The following CEP290 variants were observed in gnomAD, a reference collection of about 807,000 sequenced individuals.
The protein encoded by CEP290 is centrosomal protein of 290 kDa.
CEP290 carries 317 observed loss-of-function variants against 344.9 expected under a neutral mutation model. That is an observed-to-expected ratio of 0.92 (90% CI 0.84 to 1.01). CEP290 has a LOEUF of 1.01. Among genes scored for constraint, CEP290 ranks in the 50% least tolerant of loss-of-function variants. CEP290 has a pLI of 0.00. For missense variants in CEP290, 2,754 were observed against 2,761.4 expected (o/e 1.00, Z 0.06); for synonymous variants, 932 against 895.8 (o/e 1.04, Z -0.72).
chr12:88,091,775 G>A (rs1261436098), intron 29 of CEP290, among the ~76,000 whole-genome samples: 1 of 152,022 alleles, frequency 6.6e-6, no homozygotes, highest in African/African-American at 2.4e-5. Flanking sequence ...TTATGAGTAG[G>A]CCATAAAATA....
chr12:88,086,396 G>A lies in CEP290; in HGVS notation c.4297C>T (p.Gln1433Ter). 1 of 1,581,536 alleles carries A rather than the reference G, an allele frequency of 6.3e-7. No individual in the cohort carries two copies. The highest frequency in any genetic ancestry group is 8.6e-7 in the Non-Finnish European group (1 of 1,161,238). ...ACAAGATTAATCATTCATACCTTTT[G>A]TGCCGCATTTAGTATTTCATTTTGC... ...RQQNEILNAA[Q>*]KFEEATGSIP... is the part of the protein sequence containing the mutation. Residue 1433 changes from glutamine to a stop codon, truncating the protein, a stop_gained, in exon 33 of 54, where the codon CAA (glutamine) becomes TAA (stop). Coordinates refer to ENST00000552810, the MANE Select transcript of CEP290 (RefSeq NM_025114.4). LOFTEE classifies it high-confidence loss of function.
chr12:88,059,048 A>C (rs1004849902), intron 48 of CEP290, 28 bp from the exon 49 acceptor site: 11 of 1,548,584 alleles, frequency 7.1e-6, no homozygotes, highest in Admixed American at 3.6e-5. Context: ...TTAGTATTTT[A>C]TGAGAAAACA....
In CEP290 at chr12:88,129,037, TAA is replaced by T; in HGVS notation, c.853-4_853-3del. 7.2e-6 allele frequency: 10 copies of T among 1,394,450 alleles called. No homozygotes were observed. Among genetic ancestry groups the T allele is most frequent in the Non-Finnish European group, 9.3e-6 (10 of 1,078,640 alleles). 86.4% of individuals were successfully genotyped at this position (1,394,450 alleles called of 1,614,324 possible). The stretch of plus-strand genomic sequence containing the variant: ...CAGAAGATCTGTAAGCTCCTGCACC[TAA>T]AAGACAAAGTTATTTCAAGAGTTGT... On this transcript the variant is annotated splice_region_variant and splice_polypyrimidine_tract_variant and intron_variant, in intron 10 of 53. Transcript: ENST00000552810.
chr12:88,141,163 A>G (rs540750004), intron 2 of CEP290, 43 bp downstream of exon 2: 2 of 1,320,914 alleles, frequency 1.5e-6, no homozygotes, highest in African/African-American at 1.5e-5. Context: ...TAAATTAATC[A>G]TAAGTTAATG....
At chr12:88,118,915 T>C (rs2039239691) in intron 15 of CEP290, among the ~76,000 whole-genome samples, 172 bp from the exon 16 acceptor site, 1 of 152,208 alleles carries the variant, frequency 6.6e-6, no homozygotes, top group South Asian at 2.1e-4. Flanking sequence ...CAAGTTAAAA[T>C]TTTATCACAA....
At position 88,080,190 on chromosome 12, in the gene CEP290, G is replaced by C. The variant is rs936648881; in HGVS notation, c.5218C>G (p.Gln1740Glu). The C allele has an allele frequency of 1.9e-6, 3 of 1,595,328 alleles. No homozygotes were observed. In the African/African-American group the frequency reaches 4.0e-5, roughly 22 times the overall value. ...TTTCTGTTGTTACTTACTTTCTGTT[G>C]TTTCTCCTTCAAGGCTAATTGGCTC... The part of the protein sequence containing the change: ...LKSQLALKEK[Q>E]QKALSRALLE... The change falls in exon 38 of 54, where the codon CAA (glutamine) becomes GAA (glutamate). Residue 1740 changes from glutamine (Q) to glutamate (E), a missense_variant. Gln to Glu is a conservative substitution (Grantham distance 29). Coordinates refer to ENST00000552810, the MANE Select transcript of CEP290 (RefSeq NM_025114.4).
chr12:88,060,746 A>C (rs2034414897), intron 47 of CEP290, 84 bp downstream of exon 47: 1 of 991,860 alleles, frequency 1.0e-6, no homozygotes, highest in Admixed American at 3.0e-5. Context: ...CATTTTATAT[A>C]GTAATGAGCA....
At chr12:88,074,221 A>G (rs6538128) in intron 41 of CEP290, among the ~76,000 whole-genome samples, 133,993 of 152,030 alleles carry the variant, frequency 0.88, 59,933 homozygotes, top group East Asian at 0.99. Flanking sequence ...ATAAAACTCC[A>G]TCTCAAAAAA....
At chr12:88,090,526 A>C (rs568397414) in intron 30 of CEP290, among the ~76,000 whole-genome samples, 12 of 152,288 alleles carry the variant, frequency 7.9e-5, no homozygotes, top group African/African-American at 2.9e-4. Context: ...GCTGTCTAAG[A>C]GGCTGAGGTG....
chr12:88,097,019 C>G lies in CEP290; in HGVS notation c.2992-20G>C. On this transcript the variant is annotated intron_variant, in intron 26 of 53. Transcript: ENST00000552810. ...TTCACACTGAATAAAGGAAAAATAT[C>G]ACTAAGAAACTACATTGTAATTCAG... 1 of 1,194,806 alleles carries G rather than the reference C, an allele frequency of 8.4e-7. No homozygotes were observed. 74.0% of individuals were successfully genotyped at this position (1,194,806 alleles called of 1,614,324 possible).
At chr12:88,103,964 A>G (rs898902382) in intron 25 of CEP290, 4 of 152,026 alleles carry the variant, frequency 2.6e-5, no homozygotes, top group Admixed American at 2.6e-4. Context: ...TTGGCTCTTC[A>G]ATTGTTGGGA....
chr12:88,125,881 T>C (rs139412865), intron 12 of CEP290, among the ~76,000 whole-genome samples: 1 of 152,182 alleles, frequency 6.6e-6, no homozygotes, highest in East Asian at 1.9e-4. Context: ...ATTTGGGTTA[T>C]TTTCACTAAA....
chr12:88,084,800 G>A lies in CEP290; in HGVS notation c.4490C>T (p.Ser1497Leu), dbSNP rs1345994179. Residue 1497 changes from serine (S) to leucine (L), a missense_variant, in exon 35 of 54, where the codon TCA becomes TTA. By Grantham distance (145) the Ser-to-Leu change is moderately radical. Transcript: ENST00000552810. ...CAGTTCATTGATTACTTTGTCTCTT[G>A]ACAGTATATTTTGTTCTGCTAACCT... ...ALRLAEQNIL[S>L]RDKVINELRL... 1 of 1,610,748 alleles carries A rather than the reference G, an allele frequency of 6.2e-7. No individual in the cohort carries two copies. The highest frequency in any genetic ancestry group is 1.1e-5 in the South Asian group (1 of 90,354).
rs778751507 is a variant in CEP290 at position 88,050,340 on chromosome 12, T to A, written c.7209+14A>T. On this transcript the variant is annotated intron_variant, in intron 53 of 53. Coordinates refer to ENST00000552810, the MANE Select transcript of CEP290 (RefSeq NM_025114.4). Reference sequence around the variant, plus strand: ...GTTTTCACAAAACGATACTAAAATATAATTAAATATTACCTTCAAATGCTG... The same window carrying A: ...GTTTTCACAAAACGATACTAAAATAAAATTAAATATTACCTTCAAATGCTG... 5 of 1,310,172 alleles carry A rather than the reference T, an allele frequency of 3.8e-6. No individual in the cohort carries two copies. Among genetic ancestry groups the A allele is most frequent in the Non-Finnish European group, 5.4e-6 (5 of 923,890 alleles). 81.2% of individuals were successfully genotyped at this position (1,310,172 alleles called of 1,614,324 possible). A position where few individuals can be genotyped will look rare whatever the true frequency, so the allele number is the denominator to read the frequency against.
At chr12:88,052,536 G>A (rs1300004064) in intron 52 of CEP290, among the ~76,000 whole-genome samples, 1 of 152,092 alleles carries the variant, frequency 6.6e-6, no homozygotes, top group East Asian at 1.9e-4. Context: ...TGCAAACAAA[G>A]TATTCTCTAT....
intron 25 of CEP290, among the ~76,000 whole-genome samples, chr12:88,104,451 A>C (rs996065301): frequency 5.9e-5 from 9 of 152,084 alleles, no homozygotes; most frequent in Non-Finnish European, 1.3e-4. Flanking sequence ...AACATGAGAA[A>C]GATAATAAGT....
Position 88,115,183 on chromosome 12 carries a change from C to A in CEP290, c.1825-1G>T. 2 of 1,400,504 alleles carry A rather than the reference C, an allele frequency of 1.4e-6. No homozygotes were observed. Among genetic ancestry groups the A allele is most frequent in the African/African-American group, 1.4e-5 (1 of 69,606 alleles). The allele number at this position is 1,400,504 out of a possible 1,614,324, so 86.8% of individuals were successfully genotyped here. On this transcript the variant is annotated splice_acceptor_variant, in intron 18 of 53. Transcript: ENST00000552810. LOFTEE classifies it high-confidence loss of function. ...TTAGTTCTCTTGAAAGAAATTCATTCTGAAAAAAGCAGAGAGAATAAAATT... is the reference window on the plus strand; with the variant it reads ...TTAGTTCTCTTGAAAGAAATTCATTATGAAAAAAGCAGAGAGAATAAAATT...
intron 52 of CEP290, among the ~76,000 whole-genome samples, chr12:88,052,693 C>G (rs1220501606): frequency 6.6e-6 from 1 of 152,090 alleles, no homozygotes; most frequent in African/African-American, 2.4e-5. Context: ...ACATATCTCA[C>G]ACAGATGATA....
intron 20 of CEP290, among the ~76,000 whole-genome samples, chr12:88,112,950 G>T (rs2038799951): frequency 6.6e-6 from 1 of 152,018 alleles, no homozygotes; most frequent in Admixed American, 6.6e-5. Context: ...GCTGTTGGGG[G>T]CACTGAAAAA....
Sources: allele counts gnomAD v4.1 joint callset (sites outside exome capture counted in the v4.1 genomes callset), GRCh38; gene constraint gnomAD v4.1.1; transcripts MANE v1.5; gene names NCBI Gene and HGNC (gene_info 2026-07-23, HGNC 2026-07-21).